ERAP1: variants seen among roughly 807,000 people sequenced by gnomAD.
ERAP1 encodes adipocyte-derived leucine aminopeptidase.
In ERAP1, 86 loss-of-function variants were observed where a neutral mutation model predicts 103.7. That is an observed-to-expected ratio of 0.83 (90% CI 0.70 to 0.99). The LOEUF (loss-of-function observed/expected upper bound fraction) is 0.99, where lower values mean the gene tolerates loss of function less well. ERAP1 is among the 50% of genes least tolerant of loss of function. The probability of loss-of-function intolerance (pLI) is 0.00; values close to 1 mark genes in which losing one functional copy is unlikely to be tolerated. For synonymous variants in ERAP1, 398 were observed against 402.4 expected (o/e 0.99, Z 0.13); for missense variants, 1,009 against 1,128.4 (o/e 0.89, Z 1.52).
intron 10 of ERAP1, among the ~76,000 whole-genome samples, chr5:96,789,862 G>A (rs1052408029): frequency 1.3e-5 from 2 of 152,230 alleles, no homozygotes; most frequent in Non-Finnish European, 2.9e-5. Context: ...GGTTTATTAT[G>A]AAGAGTAAAG....
chr5:96,847,619 T>C, the ERAP1 span, among the ~76,000 whole-genome samples: 1 of 152,166 alleles, frequency 6.6e-6, no homozygotes, highest in Non-Finnish European at 1.5e-5. Context: ...TCATATTGAG[T>C]ATCTTTTCAG....
chr5:96,774,419 A>T (rs558839352), downstream of ERAP1: 2 of 693,306 alleles, frequency 2.9e-6, no homozygotes, highest in South Asian at 1.3e-4. Flanking sequence ...GGAGTAAGCT[A>T]CAGGATCTAA....
At chr5:96,792,695 T>A (rs1194202641) in intron 7 of ERAP1, among the ~76,000 whole-genome samples, 1 of 151,868 alleles carries the variant, frequency 6.6e-6, no homozygotes, top group East Asian at 1.9e-4. Context: ...AGAAAATATT[T>A]AGGATTATAA....
chr5:96,817,772 C>G, the ERAP1 span, among the ~76,000 whole-genome samples: 16 of 152,340 alleles, frequency 1.1e-4, no homozygotes, highest in African/African-American at 3.1e-4. Flanking sequence ...CAATCTTTCC[C>G]CACAAAATGA....
chr5:96,922,496 A>G, the ERAP1 span, among the ~76,000 whole-genome samples: 8 of 152,182 alleles, frequency 5.3e-5, no homozygotes, highest in Non-Finnish European at 1.0e-4. Flanking sequence ...CTTTCTATTC[A>G]TATCTTCAGA....
chr5:96,898,464 TGGTGCGGTGGCTC>T, the ERAP1 span, among the ~76,000 whole-genome samples: 1 of 151,110 alleles, frequency 6.6e-6, no homozygotes, highest in African/African-American at 2.4e-5. Flanking sequence ...CTTATAGGCC[TGGTGCGGTGGCTC>T]ATGCTTGTAA....
chr5:96,860,921 C>T, the ERAP1 span, among the ~76,000 whole-genome samples: 1 of 152,040 alleles, frequency 6.6e-6, no homozygotes, highest in Admixed American at 6.6e-5. Flanking sequence ...TACAAGTGAG[C>T]AACACAGGTA....
the ERAP1 span, among the ~76,000 whole-genome samples, chr5:96,813,478 C>T: frequency 6.6e-6 from 1 of 151,744 alleles, no homozygotes; most frequent in Non-Finnish European, 1.5e-5. Context: ...CATGGTGAAA[C>T]CCTAGCTCTA....
At chr5:96,841,610 C>A in the ERAP1 span, among the ~76,000 whole-genome samples, 2 of 152,214 alleles carry the variant, frequency 1.3e-5, no homozygotes, top group African/African-American at 4.8e-5. Context: ...TTTCAGGCAA[C>A]CTAGCTAACC....
At chr5:96,891,528 G>GTA in the ERAP1 span, among the ~76,000 whole-genome samples, 930 of 37,190 alleles carry the variant, frequency 0.025, 30 homozygotes, top group East Asian at 0.17. Context: ...CCCATATACG[G>GTA]TATATATACA....
At chr5:96,878,251 A>T in the ERAP1 span, among the ~76,000 whole-genome samples, 1 of 152,188 alleles carries the variant, frequency 6.6e-6, no homozygotes, top group African/African-American at 2.4e-5. Context: ...TAAGAATATT[A>T]TAAACTCAAA....
chr5:96,856,365 T>TATATATATAGAGAGAGAGAGAG, the ERAP1 span, among the ~76,000 whole-genome samples: 19 of 20,380 alleles, frequency 9.3e-4, no homozygotes, highest in South Asian at 1.5e-3. Context: ...TATATATATA[T>TATATATATAGAGAGAGAGAGAG]AGAGAGAGAG....
At chr5:96,923,512 G>A in the ERAP1 span, among the ~76,000 whole-genome samples, 4 of 152,036 alleles carry the variant, frequency 2.6e-5, no homozygotes, top group African/African-American at 9.7e-5. Flanking sequence ...GGCTAACACG[G>A]TGAAATCCCG....
chr5:96,920,968 T>C, the ERAP1 span, among the ~76,000 whole-genome samples: 1 of 152,260 alleles, frequency 6.6e-6, no homozygotes. Context: ...ATACATTCTG[T>C]AGCTGTCAGT....
At chr5:96,874,180 A>AG in the ERAP1 span, among the ~76,000 whole-genome samples, 42 of 82,290 alleles carry the variant, frequency 5.1e-4, no homozygotes, top group African/African-American at 2.1e-3. Flanking sequence ...GAAAGAAAGA[A>AG]AGAGAGAGAG....
chr5:96,865,841 G>A, the ERAP1 span, among the ~76,000 whole-genome samples: 1 of 152,074 alleles, frequency 6.6e-6, no homozygotes, highest in Non-Finnish European at 1.5e-5. Context: ...AATAAGATAG[G>A]TCCACACAAG....
At chr5:96,788,042 T>C (rs1040854841) in intron 11 of ERAP1, among the ~76,000 whole-genome samples, 6 of 152,160 alleles carry the variant, frequency 3.9e-5, no homozygotes, top group Non-Finnish European at 7.3e-5. Context: ...ACGGTATCCA[T>C]CCAGGGTCAA....
At chr5:96,824,477 C>T in the ERAP1 span, among the ~76,000 whole-genome samples, 2 of 152,188 alleles carry the variant, frequency 1.3e-5, no homozygotes, top group African/African-American at 4.8e-5. Context: ...GTCTATACAT[C>T]CCTATGTGTT....
chr5:96,876,535 A>G, the ERAP1 span: 1 of 152,366 alleles, frequency 6.6e-6, no homozygotes, highest in Admixed American at 6.5e-5. Context: ...AAGGTAACGT[A>G]TCAACATTTC....
Sources: gnomAD v4.1 joint callset for allele counts (sites outside exome capture counted in the v4.1 genomes callset) on GRCh38, gnomAD v4.1.1 for gene constraint, MANE v1.5 for transcripts, NCBI Gene and HGNC (gene_info 2026-07-23, HGNC 2026-07-21) for gene names.